EGFLAM: variants seen among roughly 807,000 people sequenced by gnomAD.
EGFLAM encodes pikachurin.
EGFLAM carries 79 observed loss-of-function variants against 113.1 expected under a neutral mutation model. That is an observed-to-expected ratio of 0.70 (90% CI 0.58 to 0.84). EGFLAM has a LOEUF of 0.84. Among genes scored for constraint, EGFLAM ranks in the 40% least tolerant of loss-of-function variants. The pLI, the probability that EGFLAM is intolerant of heterozygous loss-of-function variation, is 0.00. For missense variants in EGFLAM, 1,265 were observed against 1,291.6 expected, an observed-to-expected ratio of 0.98 and a Z score of 0.32; for synonymous variants, 504 against 487.6, an observed-to-expected ratio of 1.03 and a Z score of -0.44.
chr5:38,444,955 A>G (rs1220297173), intron 17 of EGFLAM, among the ~76,000 whole-genome samples: 2 of 152,192 alleles, frequency 1.3e-5, no homozygotes, highest in East Asian at 1.9e-4. Flanking sequence ...AAAAAATAAT[A>G]ATAATAGTAA....
At chr5:38,306,175 T>C (rs1023244177) in intron 1 of EGFLAM, among the ~76,000 whole-genome samples, 5 of 152,212 alleles carry the variant, frequency 3.3e-5, no homozygotes, top group Non-Finnish European at 7.3e-5. Flanking sequence ...TAATAAATGA[T>C]TCCTTGATTA....
chr5:38,356,493 C>A (rs1561291555), intron 5 of EGFLAM, among the ~76,000 whole-genome samples: 1 of 152,152 alleles, frequency 6.6e-6, no homozygotes, highest in Non-Finnish European at 1.5e-5. Context: ...AGTTACTTTG[C>A]CAAGATAAAA....
intron 19 of EGFLAM, 73 bp from the exon 20 acceptor site, chr5:38,458,238 G>T: frequency 7.2e-7 from 1 of 1,390,906 alleles, no homozygotes; most frequent in Non-Finnish European, 9.8e-7. Context: ...CCTGAGAATC[G>T]TCTGTGAACC....
At chr5:38,287,819 C>A (rs903811713) in intron 1 of EGFLAM, among the ~76,000 whole-genome samples, 1 of 152,190 alleles carries the variant, frequency 6.6e-6, no homozygotes, top group Non-Finnish European at 1.5e-5. Context: ...GGGGCAATGA[C>A]AAATCAACGT....
At chr5:38,368,767 T>A (rs557805043) in intron 5 of EGFLAM, among the ~76,000 whole-genome samples, 68 of 152,044 alleles carry the variant, frequency 4.5e-4, no homozygotes, top group Non-Finnish European at 8.5e-4. Flanking sequence ...TCTAACCTCA[T>A]CCTACCAATC....
chr5:38,305,421 T>A (rs1758697274), intron 1 of EGFLAM: 1 of 453,820 alleles, frequency 2.2e-6, no homozygotes, highest in Non-Finnish European at 4.4e-6. Flanking sequence ...CTCCTTTACA[T>A]CTTTTCTCAG....
At chr5:38,385,445 T>C (rs962259317) in intron 6 of EGFLAM, among the ~76,000 whole-genome samples, 1 of 152,164 alleles carries the variant, frequency 6.6e-6, no homozygotes, top group Admixed American at 6.5e-5. Flanking sequence ...ATGCAAATGC[T>C]ATGTAAATCA....
At chr5:38,360,104 A>C (rs1304526973) in intron 5 of EGFLAM, among the ~76,000 whole-genome samples, 2 of 152,242 alleles carry the variant, frequency 1.3e-5, no homozygotes, top group African/African-American at 4.8e-5. Flanking sequence ...GAACTTAATT[A>C]GTTTCCTCAC....
intron 6 of EGFLAM, among the ~76,000 whole-genome samples, chr5:38,387,267 C>G (rs1194006035): frequency 6.6e-6 from 1 of 152,210 alleles, no homozygotes; most frequent in Non-Finnish European, 1.5e-5. Context: ...CTCTCCTGCT[C>G]CTCCTTGCTC....
intron 10 of EGFLAM, 115 bp from the exon 11 acceptor site, chr5:38,412,387 ACT>A: frequency 1.4e-6 from 2 of 1,478,692 alleles, no homozygotes; most frequent in Non-Finnish European, 1.9e-6. Flanking sequence ...CATAAACATG[ACT>A]CTGAACAGAC....
intron 5 of EGFLAM, among the ~76,000 whole-genome samples, chr5:38,355,181 A>G (rs1441415275): frequency 6.6e-6 from 1 of 152,220 alleles, no homozygotes; most frequent in Non-Finnish European, 1.5e-5. Context: ...GCTGTAGGCA[A>G]CCGGGTCTTC....
intron 1 of EGFLAM, among the ~76,000 whole-genome samples, chr5:38,297,724 G>GT (rs1758480602): frequency 6.6e-6 from 1 of 152,184 alleles, no homozygotes; most frequent in Non-Finnish European, 1.5e-5. Flanking sequence ...TCATTCTTTA[G>GT]TAAGTGTGAT....
At chr5:38,285,491 T>A (rs1758137570) in intron 1 of EGFLAM, among the ~76,000 whole-genome samples, 1 of 152,058 alleles carries the variant, frequency 6.6e-6, no homozygotes, top group Non-Finnish European at 1.5e-5. Context: ...GGGGAGGTGA[T>A]GCACCAGGGC....
At chr5:38,282,826 T>C (rs1758052800) in intron 1 of EGFLAM, among the ~76,000 whole-genome samples, 1 of 152,062 alleles carries the variant, frequency 6.6e-6, no homozygotes, top group Non-Finnish European at 1.5e-5. Context: ...CCAACCTGCA[T>C]TGAGTTTTTT....
intron 5 of EGFLAM, among the ~76,000 whole-genome samples, chr5:38,366,683 T>C (rs917210937): frequency 6.6e-6 from 1 of 152,200 alleles, no homozygotes; most frequent in East Asian, 1.9e-4. Context: ...TCAGTGACCA[T>C]GTAGGTAGAA....
chr5:38,408,290 G>T (rs1203273735), intron 9 of EGFLAM, among the ~76,000 whole-genome samples: 1 of 152,240 alleles, frequency 6.6e-6, no homozygotes, highest in Non-Finnish European at 1.5e-5. Context: ...TGTCTTCATT[G>T]TGATAGCTGT....
intron 14 of EGFLAM, among the ~76,000 whole-genome samples, chr5:38,429,399 G>A (rs1742117139): frequency 6.6e-6 from 1 of 152,216 alleles, no homozygotes; most frequent in African/African-American, 2.4e-5. Flanking sequence ...AATCAAGTGA[G>A]GGGGTGGTGA....
At position 38,462,822 on chromosome 5, in the gene EGFLAM, A is replaced by G. The variant is rs757226426; in HGVS notation, c.2772-86A>G. ...TACCTGGCACATAGTGTGTCCTTTA[A>G]TACATTTGTATTGAAATGAATGAAT... On this transcript the variant is annotated intron_variant, in intron 20 of 21. Coordinates refer to ENST00000322350, the MANE Select transcript of EGFLAM (RefSeq NM_152403.4). 7 of 1,441,384 alleles carry G rather than the reference A, an allele frequency of 4.9e-6. No individual in the cohort carries two copies. In the Admixed American group the frequency reaches 1.3e-4, roughly 26 times the overall value. The allele number at this position is 1,441,384 out of a possible 1,614,324, so 89.3% of individuals were successfully genotyped here.
At chr5:38,434,220 A>G (rs1009301209) in intron 15 of EGFLAM, among the ~76,000 whole-genome samples, 4 of 152,162 alleles carry the variant, frequency 2.6e-5, no homozygotes, top group African/African-American at 7.2e-5. Flanking sequence ...AGTTTCTACA[A>G]TGTTAACTCT....
Sources: gnomAD v4.1 joint callset for allele counts (sites outside exome capture counted in the v4.1 genomes callset) on GRCh38, gnomAD v4.1.1 for gene constraint, MANE v1.5 for transcripts, NCBI Gene and HGNC (gene_info 2026-07-23, HGNC 2026-07-21) for gene names.